DRAXIN: variants seen among roughly 807,000 people sequenced by gnomAD.
DRAXIN encodes dorsal repulsive axon guidance protein.
Under a neutral mutation model 33.9 loss-of-function variants are expected in DRAXIN, and 27 were observed. The observed-to-expected ratio is 0.80, with a 90% CI of 0.59 to 1.10. The LOEUF (loss-of-function observed/expected upper bound fraction) is 1.10, where lower values mean the gene tolerates loss of function less well. Ranked by LOEUF, DRAXIN falls within the 50% of genes least tolerant of loss-of-function variation. DRAXIN has a pLI of 0.00. For missense variants in DRAXIN, 371 were observed against 460.8 expected (o/e 0.81, Z 1.78); for synonymous variants, 178 against 194.0 (o/e 0.92, Z 0.69).
At chr1:11,700,265 T>C (rs913844541) in intron 1 of DRAXIN, among the ~76,000 whole-genome samples, 1 of 152,004 alleles carries the variant, frequency 6.6e-6, no homozygotes. Flanking sequence ...AGTAAACCAA[T>C]GAGAAAAAAA....
rs1431177221 is a variant in DRAXIN, at chr1:11,724,827, C to G, written c.*5131C>G. ...GGGGTTTCACGGGGTTGGACTGAGC[C>G]CTGTCACCTCTGTGATAGTCTTCAC... On this transcript the variant is annotated 3_prime_UTR_variant, in exon 7 of 7. Coordinates refer to ENST00000294485, the MANE Select transcript of DRAXIN (RefSeq NM_198545.4). 1 of 152,280 alleles carries G rather than the reference C, an allele frequency of 6.6e-6. No individual in the cohort carries two copies. The highest frequency in any genetic ancestry group is 1.5e-5 in the Non-Finnish European group (1 of 68,080). The allele number at this position is 152,280 out of a possible 1,614,324, so 9.4% of individuals were successfully genotyped here.
In DRAXIN at chr1:11,696,041, T is replaced by C. The variant is rs753153006; in HGVS notation, c.-11+4188T>C. Among the ~76,000 whole-genome samples, 4 of 152,146 alleles carry C rather than the reference T, an allele frequency of 2.6e-5. No individual in the cohort carries two copies. The highest frequency in any genetic ancestry group is 5.9e-5 in the Non-Finnish European group (4 of 68,020). On this transcript the variant is annotated intron_variant, in intron 1 of 6. Coordinates refer to ENST00000294485, the MANE Select transcript of DRAXIN (RefSeq NM_198545.4). The surrounding 1 kb of genome is among the most constrained non-coding windows in gnomAD (Gnocchi z 4.7). ...CCCCTGCAGGGAAGCCAAACCTCAT[T>C]TGCCAGGACAATGGTCCCCTCCAGG... is the stretch of plus-strand genomic sequence containing the variant.
rs1336504294 is a variant in DRAXIN, at chr1:11,692,002, C to T, written c.-11+149C>T. Reference sequence around the variant, plus strand: ...GTGAGGATGCTGCCTCCTTCCCAGCCCTCGGACCCGTCTATCCGCCAGTCC... The same window carrying T: ...GTGAGGATGCTGCCTCCTTCCCAGCTCTCGGACCCGTCTATCCGCCAGTCC... On this transcript the variant is annotated intron_variant, in intron 1 of 6. Transcript: ENST00000294485. This position sits in a 1 kb window ranked among gnomAD's most constrained non-coding sequence, Gnocchi z 5.8. 1.3e-5 allele frequency: 2 copies of T among 152,222 alleles called. No individual in the cohort carries two copies. Among genetic ancestry groups the T allele is most frequent in the Admixed American group, 6.5e-5 (1 of 15,276 alleles). 9.4% of individuals were successfully genotyped at this position (152,222 alleles called of 1,614,324 possible).
chr1:11,691,225 G>T (rs1641058029), upstream of DRAXIN, among the ~76,000 whole-genome samples: 2 of 152,118 alleles, frequency 1.3e-5, no homozygotes, highest in Non-Finnish European at 1.5e-5. Context: ...GTGGCCCCGG[G>T]CCCCTGCCCT....
upstream of DRAXIN, chr1:11,691,467 GCCTTTGTCTGCCT>G (rs1641064459): frequency 2.0e-5 from 3 of 152,520 alleles, no homozygotes. Context: ...GGCTGCGCCC[GCCTTTGTCTGCCT>G]CCTTTGTCTG....
Position 11,706,844 on chromosome 1 carries a change from C to T in DRAXIN, c.451+135C>T, listed in dbSNP as rs1034293840. On this transcript the variant is annotated intron_variant, in intron 2 of 6. Transcript: ENST00000294485. This position sits in a 1 kb window ranked among gnomAD's most constrained non-coding sequence, Gnocchi z 5.5. ...AGGGGTCTCACTGAAGCCAGAGGGA[C>T]CTGGTAAGGGGAGGAGGCTGGGAGA... is the stretch of plus-strand genomic sequence containing the variant. 9.9e-6 allele frequency: 10 copies of T among 1,006,712 alleles called. No individual in the cohort carries two copies. In the African/African-American group the frequency reaches 1.6e-4, roughly 16 times the overall value. The allele number at this position is 1,006,712 out of a possible 1,614,324, so 62.4% of individuals were successfully genotyped here.
intron 5 of DRAXIN, among the ~76,000 whole-genome samples, chr1:11,713,637 C>A (rs1382485992): frequency 6.6e-6 from 1 of 152,040 alleles, no homozygotes; most frequent in Non-Finnish European, 1.5e-5. Flanking sequence ...ACCTGTAATC[C>A]CAGCACTATG....
In DRAXIN at chr1:11,724,653, C is replaced by A. The variant is rs529391820; in HGVS notation, c.*4957C>A. On this transcript the variant is annotated 3_prime_UTR_variant, in exon 7 of 7. Transcript: ENST00000294485. ...ACATTGAGGTGGTGGGCACACGGCC[C>A]CTGCCGTGGGGCTCACTCTGCAGCT... The A allele has an allele frequency of 2.0e-5, 3 of 152,274 alleles. No homozygotes were observed. The highest frequency in any genetic ancestry group is 4.8e-5 in the African/African-American group (2 of 41,472). The allele number at this position is 152,274 out of a possible 1,614,324, so 9.4% of individuals were successfully genotyped here.
intron 1 of DRAXIN, among the ~76,000 whole-genome samples, chr1:11,701,841 G>C (rs1209200167): frequency 6.6e-6 from 1 of 152,174 alleles, no homozygotes; most frequent in Non-Finnish European, 1.5e-5. Flanking sequence ...TGGAGCCCTT[G>C]GTCGCTGTGG....
At chr1:11,690,221 ATGT>A (rs964048027), upstream of DRAXIN, among the ~76,000 whole-genome samples, 32 of 152,132 alleles carry the variant, frequency 2.1e-4, no homozygotes, top group African/African-American at 7.0e-4. The surrounding 1 kb of genome is among the most constrained non-coding windows in gnomAD (Gnocchi z 4.2). Flanking sequence ...ATTCTTGTCC[ATGT>A]TGTTTACTAC....
At chr1:11,709,227 G>T in intron 2 of DRAXIN, 48 bp from the exon 3 acceptor site, 2 of 1,535,484 alleles carry the variant, frequency 1.3e-6, no homozygotes, top group Non-Finnish European at 1.8e-6. Flanking sequence ...AGACTGCCAC[G>T]AGGTGGCAAG....
At position 11,711,922 on chromosome 1, in the gene DRAXIN, T is replaced by G; in HGVS notation, c.714T>G (p.Tyr238Ter). The change falls in exon 4 of 7, where the codon TAT (tyrosine) becomes TAG (stop). Residue 238 changes from tyrosine (Y) to a stop codon, truncating the protein, a stop_gained. Coordinates refer to ENST00000294485, the MANE Select transcript of DRAXIN (RefSeq NM_198545.4). LOFTEE classifies it high-confidence loss of function. ...TGGCCTTGTTCGACTGGACCGATTATGAAGACTTAAAACCTGATGGTTGGC... is the reference window on the plus strand; with the variant it reads ...TGGCCTTGTTCGACTGGACCGATTAGGAAGACTTAAAACCTGATGGTTGGC... ...LDMALFDWTD[Y>*]EDLKPDGWPS... The G allele has an allele frequency of 1.9e-6, 3 of 1,613,942 alleles. No homozygotes were observed. The highest frequency in any genetic ancestry group is 2.5e-6 in the Non-Finnish European group (3 of 1,179,918).
chr1:11,707,889 T>G (rs1641415457), intron 2 of DRAXIN, among the ~76,000 whole-genome samples: 1 of 152,222 alleles, frequency 6.6e-6, no homozygotes, highest in Non-Finnish European at 1.5e-5. Context: ...ACTTGGCTTC[T>G]AAGCTCTCCA....
Position 11,715,338 on chromosome 1 carries a change from C to A in DRAXIN, c.937+130C>A, listed in dbSNP as rs929900995. On this transcript the variant is annotated intron_variant, in intron 6 of 6. Transcript: ENST00000294485. Reference sequence around the variant, plus strand: ...CAGAGGGTGGATCATGGGCCTGCGGCGGGGGTGTAGGTGGGAGAATCCCTC... The same window carrying A: ...CAGAGGGTGGATCATGGGCCTGCGGAGGGGGTGTAGGTGGGAGAATCCCTC... 1.2e-5 allele frequency: 13 copies of A among 1,125,448 alleles called. No homozygotes were observed. The Admixed American group carries it at 1.2e-4, about 11-fold the overall frequency. 69.7% of individuals were successfully genotyped at this position (1,125,448 alleles called of 1,614,324 possible).
At chr1:11,707,004 G>A (rs182075977) in intron 2 of DRAXIN, among the ~76,000 whole-genome samples, 1 of 152,202 alleles carries the variant, frequency 6.6e-6, no homozygotes, top group Non-Finnish European at 1.5e-5. Flanking sequence ...ATGAGATCAG[G>A]AGATCGAGAC....
chr1:11,722,728 G>A lies in DRAXIN; in HGVS notation c.*3032G>A, dbSNP rs536700313. The stretch of plus-strand genomic sequence containing the variant: ...GTAGCTCGAAGCAGCCACAGAGAGT[G>A]TGTAAATGAATTCATGGCTATGCTC... On this transcript the variant is annotated 3_prime_UTR_variant, in exon 7 of 7. Coordinates refer to ENST00000294485, the MANE Select transcript of DRAXIN (RefSeq NM_198545.4). 6.5e-6 allele frequency: 1 copy of A among 153,372 alleles called. No homozygotes were observed. The allele number at this position is 153,372 out of a possible 1,614,324, so 9.5% of individuals were successfully genotyped here.
Position 11,715,197 on chromosome 1 carries a change from T to C in DRAXIN, c.926T>C (p.Met309Thr), listed in dbSNP as rs373104879. The change falls in exon 6 of 7, where the codon ATG becomes ACG. Residue 309 changes from methionine to threonine, a missense_variant. Met to Thr is a moderately conservative substitution (Grantham distance 81). Coordinates refer to ENST00000294485, the MANE Select transcript of DRAXIN (RefSeq NM_198545.4). ...GLNNKCFDDC[M>T]CVEGLRCYAK... Reference sequence around the variant, plus strand: ...AACAACAAATGCTTCGATGACTGCATGTGTGTGGAAGGTGGGTCCAGACTC... The same window carrying C: ...AACAACAAATGCTTCGATGACTGCACGTGTGTGGAAGGTGGGTCCAGACTC... The C allele has an allele frequency of 5.0e-6, 8 of 1,614,114 alleles. No individual in the cohort carries two copies. In the African/African-American group the frequency reaches 1.1e-4, roughly 22 times the overall value.
intron 3 of DRAXIN, among the ~76,000 whole-genome samples, chr1:11,711,502 C>T (rs1474617106): frequency 6.6e-6 from 1 of 152,248 alleles, no homozygotes; most frequent in Non-Finnish European, 1.5e-5. Context: ...GGCTGGGCTA[C>T]TTCCAACACC....
chr1:11,712,315 TGAC>T (rs1203581450), intron 4 of DRAXIN, 22 bp from the exon 5 acceptor site: 15 of 1,613,776 alleles, frequency 9.3e-6, no homozygotes, highest in Non-Finnish European at 1.0e-5. Context: ...CCCCAGCTTC[TGAC>T]GACAGATCTT....
Sources: allele counts gnomAD v4.1 joint callset (sites outside exome capture counted in the v4.1 genomes callset), GRCh38; gene constraint gnomAD v4.1.1; non-coding constraint Gnocchi (gnomAD v3.1); transcripts MANE v1.5; gene names NCBI Gene and HGNC (gene_info 2026-07-23, HGNC 2026-07-21).